Variants in RFX4 observed in about 807,000 individuals in gnomAD.
RFX4 encodes regulatory factor X4, also known as transcription factor RFX4.
RFX4 carries 10 observed loss-of-function variants against 95.0 expected under a neutral mutation model. The ratio of observed to expected loss-of-function variants is 0.11; its 90% confidence interval spans 0.06 to 0.18. The LOEUF is 0.18. Ranked by LOEUF, RFX4 falls within the 10% of genes least tolerant of loss-of-function variation. The pLI, the probability that RFX4 is intolerant of heterozygous loss-of-function variation, is 1.00. For synonymous variants in RFX4, 321 were observed against 340.7 expected (o/e 0.94, Z 0.64); for missense variants, 640 against 922.0 (o/e 0.69, Z 3.96).
At chr12:106,754,798 C>T (rs1382203183) in intron 17 of RFX4, among the ~76,000 whole-genome samples, 4 of 152,204 alleles carry the variant, frequency 2.6e-5, no homozygotes, top group African/African-American at 7.2e-5. Context: ...CCAGGCTCTT[C>T]GCCACCATGC....
At chr12:106,724,019 G>A (rs1196723315) in intron 13 of RFX4, among the ~76,000 whole-genome samples, 1 of 152,096 alleles carries the variant, frequency 6.6e-6, no homozygotes, top group African/African-American at 2.4e-5. Flanking sequence ...ACAGAAACAT[G>A]TATTGAGGGC....
At chr12:106,594,714 A>C (rs980494621) in intron 1 of RFX4, among the ~76,000 whole-genome samples, 1 of 151,750 alleles carries the variant, frequency 6.6e-6, no homozygotes, top group Non-Finnish European at 1.5e-5. Flanking sequence ...TGAGCAGTGC[A>C]CAGGGATCCA....
chr12:106,701,068 G>A (rs1338745107), intron 8 of RFX4, among the ~76,000 whole-genome samples: 1 of 152,110 alleles, frequency 6.6e-6, no homozygotes, highest in Non-Finnish European at 1.5e-5. Context: ...TCATATTGCA[G>A]GTCTAGTGGT....
At chr12:106,687,510 T>C (rs1381615929) in intron 6 of RFX4, among the ~76,000 whole-genome samples, 3 of 149,244 alleles carry the variant, frequency 2.0e-5, no homozygotes, top group African/African-American at 7.5e-5. Flanking sequence ...GATTGCACCA[T>C]TGCACTGCAG....
At chr12:106,755,441 T>C (rs1347623370) in intron 17 of RFX4, among the ~76,000 whole-genome samples, 1 of 152,162 alleles carries the variant, frequency 6.6e-6, no homozygotes, top group Non-Finnish European at 1.5e-5. Flanking sequence ...CAGAAGGTAA[T>C]GTGCCCCAGG....
At chr12:106,645,827 TA>T (rs34101322) in intron 3 of RFX4, 1 of 1,073,900 alleles carries the variant, frequency 9.3e-7, no homozygotes, top group Non-Finnish European at 1.3e-6. Flanking sequence ...AACATGGTTC[TA>T]AAAAGGGAGG....
intron 7 of RFX4, chr12:106,693,210 G>A (rs546449575): frequency 6.4e-5 from 20 of 313,326 alleles, no homozygotes; most frequent in South Asian, 5.5e-4. Flanking sequence ...GGAGGAACAA[G>A]TATCATTGGA....
intron 13 of RFX4, among the ~76,000 whole-genome samples, chr12:106,722,647 A>G (rs528265048): frequency 6.6e-6 from 1 of 152,330 alleles, no homozygotes; most frequent in South Asian, 2.1e-4. Flanking sequence ...AGAAAAAGAG[A>G]TATTAACCCA....
chr12:106,747,389 G>A (rs867740183), intron 15 of RFX4, 48 bp from the exon 16 acceptor site: 7 of 1,593,280 alleles, frequency 4.4e-6, no homozygotes, highest in Non-Finnish European at 6.0e-6. Context: ...GAAGAACAAG[G>A]GATATGAGAA....
chr12:106,595,320 T>C (rs1161103385), intron 1 of RFX4, among the ~76,000 whole-genome samples: 1 of 152,218 alleles, frequency 6.6e-6, no homozygotes, highest in Non-Finnish European at 1.5e-5. Context: ...TTTTACATTC[T>C]AGTTCACCTC....
chr12:106,756,205 T>A (rs1183476888), intron 17 of RFX4, among the ~76,000 whole-genome samples: 1 of 152,212 alleles, frequency 6.6e-6, no homozygotes, highest in Non-Finnish European at 1.5e-5. Flanking sequence ...CACATCAAAG[T>A]AAGCTGCCTC....
chr12:106,755,447 C>T (rs1249568881), intron 17 of RFX4, among the ~76,000 whole-genome samples: 2 of 152,104 alleles, frequency 1.3e-5, no homozygotes, highest in Non-Finnish European at 2.9e-5. Context: ...GTAATGTGCC[C>T]CAGGTCATGC....
intron 4 of RFX4, among the ~76,000 whole-genome samples, chr12:106,658,724 CA>C (rs2041011122): frequency 6.6e-6 from 1 of 152,140 alleles, no homozygotes; most frequent in South Asian, 2.1e-4. Flanking sequence ...ATGCTGGGGC[CA>C]GGGGTCCTGT....
chr12:106,695,362 A>G (rs776940511), intron 7 of RFX4, among the ~76,000 whole-genome samples: 2 of 152,188 alleles, frequency 1.3e-5, no homozygotes, highest in African/African-American at 2.4e-5. Context: ...ATCAGTTACT[A>G]TCTTCTACTA....
intron 1 of RFX4, among the ~76,000 whole-genome samples, chr12:106,591,261 CCTTTTTTTTTTTT>C (rs1257310903): frequency 6.8e-4 from 45 of 66,466 alleles, no homozygotes; most frequent in African/African-American, 2.6e-3. Context: ...TAAAATAGTC[CCTTTTTTTTTTTT>C]TTTTTTTTTT....
intron 13 of RFX4, among the ~76,000 whole-genome samples, chr12:106,730,523 G>A (rs1592991501): frequency 6.6e-6 from 1 of 152,204 alleles, no homozygotes; most frequent in East Asian, 1.9e-4. Context: ...ATCGGTAAGG[G>A]AGGATAATAC....
At chr12:106,631,355 G>A (rs765893104) in intron 2 of RFX4, among the ~76,000 whole-genome samples, 13 of 152,152 alleles carry the variant, frequency 8.5e-5, no homozygotes, top group East Asian at 1.9e-4. Flanking sequence ...TGGAGACAAC[G>A]GTGAGCAAGG....
At chr12:106,675,206 G>T (rs2137379242) in intron 4 of RFX4, among the ~76,000 whole-genome samples, 1 of 152,294 alleles carries the variant, frequency 6.6e-6, no homozygotes, top group African/African-American at 2.4e-5. Flanking sequence ...AGAGGTGGGT[G>T]GATCACTTGA....
chr12:106,649,652 G>A (rs1413744196), intron 3 of RFX4, among the ~76,000 whole-genome samples: 4 of 152,176 alleles, frequency 2.6e-5, no homozygotes, highest in Admixed American at 6.5e-5. Context: ...GCCAGATTTA[G>A]TAAGCACACA....
Sources: gnomAD v4.1 joint callset for allele counts (sites outside exome capture counted in the v4.1 genomes callset) on GRCh38, gnomAD v4.1.1 for gene constraint, MANE v1.5 for transcripts, NCBI Gene and HGNC (gene_info 2026-07-23, HGNC 2026-07-21) for gene names.